MOV10L1: variants seen among roughly 807,000 people sequenced by gnomAD.
The protein encoded by MOV10L1 is RNA helicase Mov10l1.
In MOV10L1, 110 loss-of-function variants were observed where a neutral mutation model predicts 143.8. The ratio of observed to expected loss-of-function variants is 0.76; its 90% CI spans 0.66 to 0.90. MOV10L1 has a LOEUF of 0.90. Ranked by LOEUF, MOV10L1 falls within the 40% of genes least tolerant of loss-of-function variation. The pLI is 0.00. For synonymous variants in MOV10L1, 593 were observed against 581.1 expected (o/e 1.02, Z -0.29); for missense variants, 1,406 against 1,526.8 (o/e 0.92, Z 1.32).
At chr22:50,100,018 G>A (rs1025490762) in intron 3 of MOV10L1, among the ~76,000 whole-genome samples, 2 of 152,026 alleles carry the variant, frequency 1.3e-5, no homozygotes, top group Non-Finnish European at 2.9e-5. Flanking sequence ...TCGAGATGGA[G>A]TCTCACTCTG....
intron 13 of MOV10L1, among the ~76,000 whole-genome samples, chr22:50,133,062 C>G (rs991463733): frequency 2.0e-5 from 3 of 151,372 alleles, no homozygotes; most frequent in Admixed American, 2.0e-4. Flanking sequence ...GACAGTTTTA[C>G]TTCTTCTTCT....
intron 3 of MOV10L1, among the ~76,000 whole-genome samples, chr22:50,106,833 C>G (rs1458734441): frequency 8.6e-5 from 13 of 151,210 alleles, no homozygotes. Flanking sequence ...TCCCGAGTAG[C>G]TGGGACCACA....
chr22:50,145,295 G>A (rs891967572), intron 18 of MOV10L1, among the ~76,000 whole-genome samples: 9 of 152,294 alleles, frequency 5.9e-5, no homozygotes, highest in African/African-American at 1.2e-4. Flanking sequence ...GGTGGCATGC[G>A]CCTGTAATCC....
intron 1 of MOV10L1, chr22:50,090,789 G>C: frequency 2.5e-6 from 1 of 401,812 alleles, no homozygotes; most frequent in South Asian, 2.6e-5. Context: ...TGATTCTCCT[G>C]CCTCAGCCTC....
chr22:50,112,342 C>T (rs1480877165), intron 5 of MOV10L1, among the ~76,000 whole-genome samples: 2 of 152,212 alleles, frequency 1.3e-5, no homozygotes, highest in Non-Finnish European at 2.9e-5. Flanking sequence ...CCTGCACCTC[C>T]TCCCTATGTC....
At chr22:50,138,765 C>T (rs890344490) in intron 15 of MOV10L1, among the ~76,000 whole-genome samples, 10 of 151,968 alleles carry the variant, frequency 6.6e-5, no homozygotes, top group African/African-American at 2.2e-4. Flanking sequence ...GGTGCAGTGG[C>T]GGATCTCGGC....
At chr22:50,150,702 C>T (rs780592280) in intron 20 of MOV10L1, 33 bp from the exon 21 acceptor site, 3 of 1,606,860 alleles carry the variant, frequency 1.9e-6, no homozygotes. Flanking sequence ...GGCACCCTCC[C>T]TGCATGAGCT....
At chr22:50,118,191 T>C (rs2062235049) in intron 9 of MOV10L1, among the ~76,000 whole-genome samples, 1 of 152,126 alleles carries the variant, frequency 6.6e-6, no homozygotes, top group Non-Finnish European at 1.5e-5. Context: ...CAGGGAAGAA[T>C]ATCATGTGGT....
At chr22:50,104,844 G>A (rs745767065) in intron 3 of MOV10L1, among the ~76,000 whole-genome samples, 9 of 150,324 alleles carry the variant, frequency 6.0e-5, no homozygotes, top group Non-Finnish European at 8.9e-5. Context: ...GCATTTTATG[G>A]TTGATGAATT....
Position 50,150,877 on chromosome 22 carries a change from G to C in MOV10L1, c.2870G>C (p.Cys957Ser), listed in dbSNP as rs1200299611. 1 of 1,614,198 alleles carries C rather than the reference G, an allele frequency of 6.2e-7. No individual in the cohort carries two copies. The highest frequency in any genetic ancestry group is 8.5e-7 in the Non-Finnish European group (1 of 1,180,030). ...AGGGACGAAAATGCTTTCGGTGCTT[G>C]TGGCGCACATAATCCCCTGTTGGTG... ...YQRDENAFGA[C>S]GAHNPLLVTK... The change falls in exon 21 of 27, where the codon TGT becomes TCT. Residue 957 changes from cysteine to serine, a missense_variant. Coordinates refer to ENST00000262794, the MANE Select transcript of MOV10L1 (RefSeq NM_018995.3).
intron 14 of MOV10L1, among the ~76,000 whole-genome samples, 172 bp downstream of exon 14, chr22:50,134,237 T>A (rs964918064): frequency 2.0e-5 from 3 of 152,218 alleles, no homozygotes; most frequent in Non-Finnish European, 1.5e-5. Flanking sequence ...CTATTTCAAC[T>A]TAGTGAATAA....
At chr22:50,122,401 ACCC>A (rs1240531262) in intron 10 of MOV10L1, among the ~76,000 whole-genome samples, 4 of 152,114 alleles carry the variant, frequency 2.6e-5, no homozygotes, top group African/African-American at 9.7e-5. Flanking sequence ...TTGATTTTGT[ACCC>A]TGCTACTTTG....
intron 12 of MOV10L1, among the ~76,000 whole-genome samples, chr22:50,127,412 G>C (rs1460971969): frequency 2.0e-5 from 3 of 152,226 alleles, no homozygotes; most frequent in Admixed American, 2.0e-4. Flanking sequence ...CTGTTCTCAA[G>C]TAGACTAACG....
At chr22:50,108,323 C>T (rs2061929779) in intron 4 of MOV10L1, 75 bp downstream of exon 4, 2 of 1,316,116 alleles carry the variant, frequency 1.5e-6, no homozygotes, top group Non-Finnish European at 2.2e-6. Context: ...ACGGCCCAGG[C>T]TTCTCCTGCA....
chr22:50,157,420 G>A (rs899424662), intron 22 of MOV10L1, among the ~76,000 whole-genome samples: 8 of 152,066 alleles, frequency 5.3e-5, no homozygotes, highest in African/African-American at 9.7e-5. Flanking sequence ...ACCTAATGTC[G>A]TGGGGCTTTT....
intron 15 of MOV10L1, among the ~76,000 whole-genome samples, chr22:50,137,801 TTA>T (rs201590090): frequency 1.1e-3 from 64 of 60,126 alleles, no homozygotes; most frequent in East Asian, 5.6e-3. Flanking sequence ...TATACATATT[TTA>T]TATATATACA....
At chr22:50,143,618 G>A (rs752566044) in intron 17 of MOV10L1, among the ~76,000 whole-genome samples, 26 of 152,158 alleles carry the variant, frequency 1.7e-4, no homozygotes, top group Non-Finnish European at 2.9e-4. Flanking sequence ...ATAACCCATC[G>A]TAATGGGATT....
chr22:50,110,780 A>C (rs1398376356), intron 5 of MOV10L1, among the ~76,000 whole-genome samples: 2 of 151,930 alleles, frequency 1.3e-5, no homozygotes, highest in Non-Finnish European at 2.9e-5. Flanking sequence ...AAATACAAAA[A>C]ATTAGCCAGG....
intron 2 of MOV10L1, among the ~76,000 whole-genome samples, chr22:50,097,329 G>A (rs991913510): frequency 2.6e-5 from 4 of 152,034 alleles, no homozygotes; most frequent in African/African-American, 7.3e-5. Flanking sequence ...GGCTGGTCTC[G>A]AACTCCTGGG....
Sources: gnomAD v4.1 joint callset for allele counts (sites outside exome capture counted in the v4.1 genomes callset) on GRCh38, gnomAD v4.1.1 for gene constraint, MANE v1.5 for transcripts, NCBI Gene and HGNC (gene_info 2026-07-23, HGNC 2026-07-21) for gene names.